ST3GAL1: variants seen among roughly 807,000 people sequenced by gnomAD.
The protein encoded by ST3GAL1 is CMP-N-acetylneuraminate-beta-galactosamide-alpha-2,3-sialyltransferase 1.
Under a neutral mutation model 34.1 loss-of-function variants are expected in ST3GAL1, and 16 were observed. The observed-to-expected ratio is 0.47, with a 90% CI of 0.32 to 0.71. ST3GAL1 has a LOEUF of 0.71. Ranked by LOEUF, ST3GAL1 falls within the 30% of genes least tolerant of loss-of-function variation. The probability of loss-of-function intolerance (pLI) is 0.04; values close to 1 mark genes in which losing one functional copy is unlikely to be tolerated. For missense variants in ST3GAL1, 353 were observed against 447.4 expected (o/e 0.79, Z 1.90); for synonymous variants, 191 against 184.7 (o/e 1.03, Z -0.28).
chr8:133,523,790 C>T (rs74520390), intron 2 of ST3GAL1, among the ~76,000 whole-genome samples: 2,667 of 152,322 alleles, frequency 0.018, 59 homozygotes, highest in African/African-American at 0.051. Flanking sequence ...CTCTATCCCT[C>T]GTCCTCGTCT....
At chr8:133,532,813 T>C (rs1211295757) in intron 2 of ST3GAL1, among the ~76,000 whole-genome samples, 1 of 152,146 alleles carries the variant, frequency 6.6e-6, no homozygotes, top group Admixed American at 6.5e-5. Context: ...ACCTACAAAA[T>C]GCCAGAAGAG....
At chr8:133,470,507 A>G (rs1207608815) in intron 5 of ST3GAL1, among the ~76,000 whole-genome samples, 1 of 152,134 alleles carries the variant, frequency 6.6e-6, no homozygotes, top group Non-Finnish European at 1.5e-5. Context: ...CCAGCCTTCC[A>G]GACTAGTTTC....
intron 1 of ST3GAL1, among the ~76,000 whole-genome samples, chr8:133,547,173 C>T (rs1207642688): frequency 1.3e-5 from 2 of 152,134 alleles, no homozygotes; most frequent in African/African-American, 2.4e-5. Context: ...AGTTTGGCCA[C>T]GAGACTTGCT....
chr8:133,542,119 A>G (rs1012027311), intron 2 of ST3GAL1, among the ~76,000 whole-genome samples: 6 of 152,060 alleles, frequency 3.9e-5, no homozygotes, highest in East Asian at 3.9e-4. Context: ...ACACCCACGC[A>G]CACACAGACA....
intron 1 of ST3GAL1, among the ~76,000 whole-genome samples, chr8:133,557,040 T>C (rs1223311680): frequency 6.6e-6 from 1 of 152,176 alleles, no homozygotes. Flanking sequence ...TGGGAGACCT[T>C]CAGGCAATGG....
At chr8:133,472,868 A>T (rs1018592478) in intron 5 of ST3GAL1, among the ~76,000 whole-genome samples, 2 of 152,040 alleles carry the variant, frequency 1.3e-5, no homozygotes, top group African/African-American at 4.8e-5. Context: ...AAAAAAAAAA[A>T]ACCCACCTAA....
At chr8:133,564,418 C>T (rs879708134) in intron 1 of ST3GAL1, among the ~76,000 whole-genome samples, 1 of 151,956 alleles carries the variant, frequency 6.6e-6, no homozygotes, top group Non-Finnish European at 1.5e-5. Context: ...TTTTGTGGAA[C>T]GAAGTGTTGC....
At chr8:133,566,805 G>A (rs1329644449) in intron 1 of ST3GAL1, among the ~76,000 whole-genome samples, 1 of 152,104 alleles carries the variant, frequency 6.6e-6, no homozygotes, top group African/African-American at 2.4e-5. Context: ...TTTATACACG[G>A]GCATTCCAAT....
At chr8:133,488,873 G>GA (rs1013677041) in intron 3 of ST3GAL1, among the ~76,000 whole-genome samples, 2 of 152,028 alleles carry the variant, frequency 1.3e-5, no homozygotes, top group East Asian at 1.9e-4. Flanking sequence ...CAGACAGGGG[G>GA]GGCCAGGCAA....
intron 2 of ST3GAL1, among the ~76,000 whole-genome samples, chr8:133,522,866 C>T (rs1032418436): frequency 2.0e-5 from 3 of 152,172 alleles, no homozygotes; most frequent in African/African-American, 7.2e-5. Flanking sequence ...CCAACACCCT[C>T]ACCAGGCGAG....
intron 3 of ST3GAL1, among the ~76,000 whole-genome samples, chr8:133,478,879 C>A (rs770554209): frequency 2.6e-5 from 4 of 152,220 alleles, no homozygotes; most frequent in Admixed American, 6.5e-5. Context: ...CCCGTGCACA[C>A]ACTCAATGCT....
At chr8:133,500,501 A>G (rs969907094) in intron 2 of ST3GAL1, among the ~76,000 whole-genome samples, 1 of 152,190 alleles carries the variant, frequency 6.6e-6, no homozygotes, top group Non-Finnish European at 1.5e-5. Flanking sequence ...GGGAGGAGAC[A>G]CAGCTTAACA....
At chr8:133,529,532 T>C (rs574674127) in intron 2 of ST3GAL1, among the ~76,000 whole-genome samples, 1 of 152,166 alleles carries the variant, frequency 6.6e-6, no homozygotes, top group East Asian at 1.9e-4. Flanking sequence ...TAACATGGAA[T>C]ATCAAGGGAC....
chr8:133,502,418 T>A (rs1268317260), intron 2 of ST3GAL1, among the ~76,000 whole-genome samples: 4 of 120,784 alleles, frequency 3.3e-5, no homozygotes, highest in African/African-American at 1.3e-4. Context: ...CTAGAATTGA[T>A]GTCCTTATAA....
intron 1 of ST3GAL1, 94 bp from the exon 2 acceptor site, chr8:133,546,020 A>G (rs914378077): frequency 2.6e-5 from 4 of 152,206 alleles, no homozygotes; most frequent in African/African-American, 9.7e-5. Flanking sequence ...AAAGATATTC[A>G]CCCACTTATT....
At chr8:133,480,158 C>T (rs541347057) in intron 3 of ST3GAL1, among the ~76,000 whole-genome samples, 2 of 152,332 alleles carry the variant, frequency 1.3e-5, no homozygotes, top group East Asian at 3.9e-4. Context: ...GCAGTCATTT[C>T]CCAGCCACAT....
At position 133,513,000 on chromosome 8, in the gene ST3GAL1, G is replaced by T. The variant is rs368862765; in HGVS notation, c.-428-13811C>A. Among the ~76,000 whole-genome samples the T allele has an allele frequency of 3.9e-5, 6 of 152,316 alleles. No individual in the cohort carries two copies. The East Asian group carries it at 7.7e-4, about 20-fold the overall frequency. ...AGGGGCCTGATGGCTTCCATAGAAG[G>T]AAGCTGGAGGGTCTCACCTGGGGTC... On this transcript the variant is annotated intron_variant, in intron 2 of 9. Coordinates refer to ENST00000522652, the MANE Select transcript of ST3GAL1 (RefSeq NM_173344.3).
chr8:133,566,514 T>C (rs906898827), intron 1 of ST3GAL1, among the ~76,000 whole-genome samples: 9 of 152,070 alleles, frequency 5.9e-5, no homozygotes, highest in Admixed American at 2.0e-4. Flanking sequence ...TTAATCCTCC[T>C]GGGGGCCCTG....
chr8:133,538,935 C>T (rs1480473730), intron 2 of ST3GAL1, among the ~76,000 whole-genome samples: 1 of 152,112 alleles, frequency 6.6e-6, no homozygotes, highest in Non-Finnish European at 1.5e-5. Flanking sequence ...GTTACTTAAC[C>T]AGTCTGTGCC....
Sources: allele counts gnomAD v4.1 joint callset (sites outside exome capture counted in the v4.1 genomes callset), GRCh38; gene constraint gnomAD v4.1.1; transcripts MANE v1.5; gene names NCBI Gene and HGNC (gene_info 2026-07-23, HGNC 2026-07-21).